Variants in PLEKHA1 observed in about 807,000 individuals in gnomAD.
PLEKHA1 encodes pleckstrin homology domain-containing family A member 1.
A neutral mutation model predicts 52.0 loss-of-function variants in PLEKHA1; 34 were observed. That is an observed-to-expected ratio of 0.65 (90% confidence interval 0.50 to 0.87). PLEKHA1 has a LOEUF of 0.87. Ranked by LOEUF, PLEKHA1 falls within the 40% of genes least tolerant of loss-of-function variation. The probability of loss-of-function intolerance (pLI) is 0.00; values close to 1 mark genes in which losing one functional copy is unlikely to be tolerated. For synonymous variants in PLEKHA1, 163 were observed against 170.7 expected (o/e 0.95, Z 0.35); for missense variants, 497 against 504.2 (o/e 0.99, Z 0.14).
chr10:122,409,660 A>G (rs1006995835), intron 5 of PLEKHA1, among the ~76,000 whole-genome samples: 4 of 152,228 alleles, frequency 2.6e-5, no homozygotes, highest in African/African-American at 4.8e-5. Context: ...TATATTTTTA[A>G]TAGAAACTGG....
At chr10:122,428,362 C>T (rs754494099) in intron 11 of PLEKHA1, 23 of 1,544,226 alleles carry the variant, frequency 1.5e-5, no homozygotes, top group African/African-American at 5.5e-5. Flanking sequence ...TGGGCTCTCA[C>T]GCAAACGTGC....
intron 11 of PLEKHA1, among the ~76,000 whole-genome samples, chr10:122,427,455 T>C (rs115958612): frequency 0.011 from 1,642 of 152,308 alleles, 31 homozygotes; most frequent in African/African-American, 0.038. Context: ...TTCAGGTTTT[T>C]TGGTTTTGTT....
At chr10:122,397,813 T>TAA in intron 2 of PLEKHA1, 105 bp from the exon 3 acceptor site, 5 of 867,806 alleles carry the variant, frequency 5.8e-6, no homozygotes, top group Non-Finnish European at 8.6e-6. Context: ...AATGTGATAT[T>TAA]AAAAAATTGA....
rs115255831 is a variant in PLEKHA1, at chr10:122,405,433, T to C, written c.245-1143T>C. ...ATAATGAATTCAGGAGAAACGTGGGTAAAGAAAGTAAACAAAACTTACAAA... is the reference window on the plus strand; with the variant it reads ...ATAATGAATTCAGGAGAAACGTGGGCAAAGAAAGTAAACAAAACTTACAAA... On this transcript the variant is annotated intron_variant, in intron 4 of 11. Coordinates refer to ENST00000368990, the MANE Select transcript of PLEKHA1 (RefSeq NM_001001974.4). 3.9e-3 allele frequency among the ~76,000 whole-genome samples: 590 copies of C among 151,802 alleles called. 5 individuals carry two copies. Among genetic ancestry groups the C allele is most frequent in the African/African-American group, 0.014 (560 of 41,424 alleles).
intron 4 of PLEKHA1, among the ~76,000 whole-genome samples, chr10:122,402,910 G>A (rs1406050012): frequency 6.6e-6 from 1 of 152,186 alleles, no homozygotes. Flanking sequence ...GCCAGGTTTA[G>A]GTGAGTAAGA....
At chr10:122,415,240 A>G (rs1439395258) in intron 6 of PLEKHA1, among the ~76,000 whole-genome samples, 1 of 152,198 alleles carries the variant, frequency 6.6e-6, no homozygotes, top group East Asian at 1.9e-4. Context: ...TTTACATTAC[A>G]TTTTCAAAAT....
intron 4 of PLEKHA1, among the ~76,000 whole-genome samples, chr10:122,403,075 A>G (rs2096953972): frequency 6.6e-6 from 1 of 152,228 alleles, no homozygotes; most frequent in Admixed American, 6.5e-5. Context: ...ACTTTCTTTT[A>G]AAATATGAAT....
intron 1 of PLEKHA1, among the ~76,000 whole-genome samples, chr10:122,389,667 G>A (rs529062380): frequency 3.3e-5 from 5 of 152,086 alleles, no homozygotes; most frequent in Admixed American, 6.5e-5. Context: ...CCAAGATTGC[G>A]CCACCACTCT....
At position 122,404,864 on chromosome 10, in the gene PLEKHA1, C is replaced by A. The variant is rs568869181; in HGVS notation, c.245-1712C>A. On this transcript the variant is annotated intron_variant, in intron 4 of 11. Transcript: ENST00000368990. Reference sequence around the variant, plus strand: ...TTGGTCTCAGTCCCAATTTCAAAATCTTGTGTGTTTTCCTTGAGAGTTTGC... The same window carrying A: ...TTGGTCTCAGTCCCAATTTCAAAATATTGTGTGTTTTCCTTGAGAGTTTGC... Among the ~76,000 whole-genome samples, 4 of 152,294 alleles carry A rather than the reference C, an allele frequency of 2.6e-5. No individual in the cohort carries two copies. The South Asian group carries it at 8.3e-4, about 32-fold the overall frequency.
chr10:122,427,070 C>CT, intron 11 of PLEKHA1, 39 bp downstream of exon 11: 2 of 1,526,452 alleles, frequency 1.3e-6, no homozygotes, highest in African/African-American at 1.4e-5. Flanking sequence ...TCCCTTGCGT[C>CT]TCCCCCATCC....
intron 4 of PLEKHA1, among the ~76,000 whole-genome samples, chr10:122,405,433 TAAAG>T (rs1266573176): frequency 6.6e-6 from 1 of 151,686 alleles, no homozygotes; most frequent in East Asian, 1.9e-4. Flanking sequence ...GAAACGTGGG[TAAAG>T]AAAGTAAACA....
At chr10:122,399,056 A>G (rs1335297792) in intron 3 of PLEKHA1, among the ~76,000 whole-genome samples, 3 of 151,982 alleles carry the variant, frequency 2.0e-5, no homozygotes, top group African/African-American at 7.3e-5. Context: ...TTAAAATAGA[A>G]CCTTTTTTCT....
At chr10:122,376,501 GATATATATATATATATATATAT>G (rs56781870) in intron 1 of PLEKHA1, among the ~76,000 whole-genome samples, 3 of 146,834 alleles carry the variant, frequency 2.0e-5, no homozygotes, top group South Asian at 4.2e-4. Context: ...ACATTAAGAA[GATATATATATATATATATATAT>G]ATATATATAT....
intron 1 of PLEKHA1, among the ~76,000 whole-genome samples, chr10:122,383,763 G>A (rs999244157): frequency 1.3e-5 from 2 of 151,958 alleles, no homozygotes; most frequent in Non-Finnish European, 2.9e-5. Context: ...TCAAATTTCC[G>A]ATTTTAAGTA....
rs149650141 is a variant in PLEKHA1, at chr10:122,409,158, C to A, written c.342+2485C>A. On this transcript the variant is annotated intron_variant, in intron 5 of 11. Coordinates refer to ENST00000368990, the MANE Select transcript of PLEKHA1 (RefSeq NM_001001974.4). ...GGTGGGTGCCACTTGAAATTCTTTT[C>A]CCTTTACAGTTGCTTTTCAACTTAT... is the stretch of plus-strand genomic sequence containing the variant. Among the ~76,000 whole-genome samples, 967 of 152,218 alleles carry A rather than the reference C, an allele frequency of 6.4e-3. 10 individuals are homozygous for A. The highest frequency in any genetic ancestry group is 0.021 in the African/African-American group (881 of 41,544).
At position 122,406,650 on chromosome 10, in the gene PLEKHA1, T is replaced by C; in HGVS notation, c.319T>C (p.Leu107=). 1 of 1,610,500 alleles carries C rather than the reference T, an allele frequency of 6.2e-7. No homozygotes were observed. Among genetic ancestry groups the C allele is most frequent in the Middle Eastern group, 1.7e-4 (1 of 6,022 alleles). Residue 107 remains leucine (L), a synonymous_variant, in exon 5 of 12, where the codon TTA becomes CTA. Transcript: ENST00000368990. ...GGACCTAGTGGAATGGGTAAATGTGTTAAACAAAGCTATAAAAATTACAGT... is the reference window on the plus strand; with the variant it reads ...GGACCTAGTGGAATGGGTAAATGTGCTAAACAAAGCTATAAAAATTACAGT... The part of the protein sequence containing the change: ...QQDLVEWVNV[L]NKAIKITVPK...
chr10:122,419,100 C>T (rs1314821177), intron 8 of PLEKHA1: 3 of 152,146 alleles, frequency 2.0e-5, no homozygotes, highest in Non-Finnish European at 2.9e-5. Context: ...TAAGATTCAC[C>T]TCAGGAGTCA....
At position 122,429,876 on chromosome 10, in the gene PLEKHA1, C is replaced by T. The variant is rs752558332; in HGVS notation, c.1153C>T (p.Gln385Ter). ...LLRPQSKNGP[Q>*]EKDCDLVDLD... ...AAGACCTCAAAGTAAAAATGGCCCT[C>T]AGGAAAAAGATTGTGACCTAGTAGA... Residue 385 changes from glutamine (Q) to a stop codon, truncating the protein, a stop_gained, in exon 12 of 12, where the codon CAG (glutamine) becomes TAG (stop). Coordinates refer to ENST00000368990, the MANE Select transcript of PLEKHA1 (RefSeq NM_001001974.4). LOFTEE classifies it high-confidence loss of function. The T allele has an allele frequency of 9.9e-6, 16 of 1,613,784 alleles. No individual in the cohort carries two copies. Among genetic ancestry groups the T allele is most frequent in the Admixed American group, 3.3e-5 (2 of 59,990 alleles).
rs576256557 is a variant in PLEKHA1, at chr10:122,393,414, G to A, written c.141+73G>A. On this transcript the variant is annotated intron_variant, in intron 2 of 11. Transcript: ENST00000368990. This position sits in a 1 kb window ranked among gnomAD's most constrained non-coding sequence, Gnocchi z 4.5. The stretch of plus-strand genomic sequence containing the variant: ...TTTAAGTATTTAACATACTATACAG[G>A]CTTTAGATTTGTCTTCTTAAGCAGT... 5.4e-6 allele frequency: 7 copies of A among 1,293,478 alleles called. No homozygotes were observed. The South Asian group carries it at 1.0e-4, about 19-fold the overall frequency. 80.1% of individuals were successfully genotyped at this position (1,293,478 alleles called of 1,614,324 possible). A position where few individuals can be genotyped will look rare whatever the true frequency, so the allele number is the denominator to read the frequency against.
Sources: gnomAD v4.1 joint callset for allele counts (sites outside exome capture counted in the v4.1 genomes callset) on GRCh38, gnomAD v4.1.1 for gene constraint, Gnocchi (gnomAD v3.1) non-coding constraint, MANE v1.5 for transcripts, NCBI Gene and HGNC (gene_info 2026-07-23, HGNC 2026-07-21) for gene names.